Variants in TMEM132B observed in about 807,000 individuals in gnomAD.
The protein encoded by TMEM132B is transmembrane protein 132B.
Under a neutral mutation model 90.8 loss-of-function variants are expected in TMEM132B, and 18 were observed. That is an observed-to-expected ratio of 0.20 (90% CI 0.14 to 0.29). The LOEUF (loss-of-function observed/expected upper bound fraction) is 0.29. Among genes scored for constraint, TMEM132B ranks in the 10% least tolerant of loss-of-function variants. TMEM132B has a pLI of 1.00. For missense variants in TMEM132B, 1,096 were observed against 1,326.8 expected, an observed-to-expected ratio of 0.83 and a Z score of 2.70; for synonymous variants, 504 against 523.3, an observed-to-expected ratio of 0.96 and a Z score of 0.50.
intron 5 of TMEM132B, among the ~76,000 whole-genome samples, chr12:125,596,100 G>A (rs1885433599): frequency 6.6e-6 from 1 of 152,082 alleles, no homozygotes; most frequent in African/African-American, 2.4e-5. Context: ...AGATGTGATG[G>A]GCATAGATAA....
chr12:125,348,407 A>G (rs1367062984), intron 1 of TMEM132B, among the ~76,000 whole-genome samples: 1 of 151,948 alleles, frequency 6.6e-6, no homozygotes, highest in East Asian at 1.9e-4. Flanking sequence ...GCTCACTGCA[A>G]TCTCCGCCTC....
At position 125,640,753 on chromosome 12, in the gene TMEM132B, C is replaced by G. The variant is rs546654394; in HGVS notation, c.1438-3323C>G. ...TGGATTCAGTACAGGTAAAATGAGG[C>G]TCATGGCACCCACCTCGTGGCATTA... On this transcript the variant is annotated intron_variant, in intron 5 of 8. Transcript: ENST00000682704. Among the ~76,000 whole-genome samples, 3 of 152,226 alleles carry G rather than the reference C, an allele frequency of 2.0e-5. No homozygotes were observed. The East Asian group carries it at 5.8e-4, about 29-fold the overall frequency.
intron 4 of TMEM132B, among the ~76,000 whole-genome samples, chr12:125,562,830 T>C (rs1321400054): frequency 1.3e-5 from 2 of 152,144 alleles, no homozygotes; most frequent in Non-Finnish European, 2.9e-5. Context: ...TATGCCACGG[T>C]GGTGAGGTCT....
Position 125,658,920 on chromosome 12 carries a change from T to C in TMEM132B, c.*4210T>C, listed in dbSNP as rs1306359552. ...CTTATTCTTCTTGACTTTTGGATTT[T>C]TTTCTTTTCTTTTTTTCTGGAAATA... On this transcript the variant is annotated 3_prime_UTR_variant, in exon 9 of 9. Transcript: ENST00000682704. The C allele has an allele frequency of 6.6e-6, 1 of 152,230 alleles. No individual in the cohort carries two copies. Among genetic ancestry groups the C allele is most frequent in the Admixed American group, 6.5e-5 (1 of 15,292 alleles). The allele number at this position is 152,230 out of a possible 1,614,324, so 9.4% of individuals were successfully genotyped here. A position where few individuals can be genotyped will look rare whatever the true frequency, so the allele number is the denominator to read the frequency against.
At chr12:125,419,228 G>A (rs1251503927) in intron 3 of TMEM132B, among the ~76,000 whole-genome samples, 1 of 152,196 alleles carries the variant, frequency 6.6e-6, no homozygotes, top group Non-Finnish European at 1.5e-5. Context: ...TCAAGGTGAA[G>A]TCAAGATCCA....
chr12:125,591,938 A>G (rs1180463703), intron 5 of TMEM132B, among the ~76,000 whole-genome samples: 1 of 152,106 alleles, frequency 6.6e-6, no homozygotes. Context: ...TCACATTCAC[A>G]GGTGCTGGGG....
At chr12:125,373,339 C>T (rs1263026056) in intron 2 of TMEM132B, among the ~76,000 whole-genome samples, 1 of 152,142 alleles carries the variant, frequency 6.6e-6, no homozygotes, top group Non-Finnish European at 1.5e-5. Flanking sequence ...CAAAATGTGA[C>T]CGTATTTGGA....
intron 3 of TMEM132B, among the ~76,000 whole-genome samples, chr12:125,429,827 G>A (rs922112409): frequency 6.6e-5 from 10 of 152,144 alleles, no homozygotes; most frequent in South Asian, 2.1e-4. Flanking sequence ...GCCTGATGTC[G>A]TGTTGCAAGG....
intron 5 of TMEM132B, chr12:125,585,396 A>C (rs1302586507): frequency 6.6e-6 from 1 of 152,240 alleles, no homozygotes; most frequent in Non-Finnish European, 1.5e-5. Context: ...ATATGCACCA[A>C]TGACAAATAT....
At chr12:125,421,103 A>G (rs1456827769) in intron 3 of TMEM132B, among the ~76,000 whole-genome samples, 1 of 152,230 alleles carries the variant, frequency 6.6e-6, no homozygotes, top group African/African-American at 2.4e-5. Flanking sequence ...ATCTTTAGGA[A>G]GTTCCAAACT....
intron 3 of TMEM132B, among the ~76,000 whole-genome samples, chr12:125,503,570 T>A (rs920637421): frequency 6.6e-6 from 1 of 152,162 alleles, no homozygotes; most frequent in Admixed American, 6.5e-5. Context: ...ATTGGGCAAA[T>A]TCAAGGAGGT....
At chr12:125,327,135 T>A (rs1876607536) in intron 1 of TMEM132B, among the ~76,000 whole-genome samples, 1 of 152,150 alleles carries the variant, frequency 6.6e-6, no homozygotes, top group African/African-American at 2.4e-5. Flanking sequence ...TGCATGTTTC[T>A]CTTTGGGCCA....
At chr12:125,243,802 G>A (rs1874145132) in intron 1 of TMEM132B, among the ~76,000 whole-genome samples, 1 of 152,092 alleles carries the variant, frequency 6.6e-6, no homozygotes, top group Non-Finnish European at 1.5e-5. Context: ...GTGTAACCAT[G>A]CAGTATTTGG....
chr12:125,505,245 G>A (rs1361312735), intron 3 of TMEM132B, among the ~76,000 whole-genome samples: 1 of 146,596 alleles, frequency 6.8e-6, no homozygotes, highest in East Asian at 2.0e-4. Flanking sequence ...GAATTATCAG[G>A]CTAGGATTAT....
At chr12:125,552,741 T>A (rs1389353208) in intron 4 of TMEM132B, among the ~76,000 whole-genome samples, 1 of 152,266 alleles carries the variant, frequency 6.6e-6, no homozygotes, top group East Asian at 1.9e-4. Context: ...ACTTTCTACA[T>A]CTGTAGCTTC....
chr12:125,457,131 C>T (rs767780117), intron 3 of TMEM132B, among the ~76,000 whole-genome samples: 3 of 152,170 alleles, frequency 2.0e-5, no homozygotes, highest in Admixed American at 6.5e-5. Flanking sequence ...TTTATTCACT[C>T]GCTCTGATGA....
At chr12:125,373,718 TG>T (rs1456678695) in intron 2 of TMEM132B, among the ~76,000 whole-genome samples, 2 of 152,234 alleles carry the variant, frequency 1.3e-5, no homozygotes, top group African/African-American at 2.4e-5. Flanking sequence ...CCCTTACCCT[TG>T]TCCCCTCCCC....
chr12:125,650,580 A>T, intron 6 of TMEM132B, 103 bp from the exon 7 acceptor site: 1 of 1,358,672 alleles, frequency 7.4e-7, no homozygotes, highest in Non-Finnish European at 1.0e-6. Flanking sequence ...GAGAAGGACC[A>T]TTTCATTTCA....
chr12:125,355,084 T>C (rs933814044), intron 2 of TMEM132B, among the ~76,000 whole-genome samples: 3 of 151,966 alleles, frequency 2.0e-5, no homozygotes, highest in Admixed American at 6.6e-5. Context: ...TCTGCTTGTC[T>C]GGTTGGGGAC....
Sources: gnomAD v4.1 joint callset for allele counts (sites outside exome capture counted in the v4.1 genomes callset) on GRCh38, gnomAD v4.1.1 for gene constraint, MANE v1.5 for transcripts, NCBI Gene and HGNC (gene_info 2026-07-23, HGNC 2026-07-21) for gene names.